The following UNC5D variants were observed in gnomAD, a reference collection of about 807,000 sequenced individuals.
UNC5D encodes unc-5 netrin receptor D, also known as netrin receptor UNC5D.
Under a neutral mutation model 105.4 loss-of-function variants are expected in UNC5D, and 39 were observed. That is an observed-to-expected ratio of 0.37 (90% CI 0.29 to 0.48). UNC5D has a LOEUF of 0.48. Ranked by LOEUF, UNC5D falls within the 20% of genes least tolerant of loss-of-function variation. The pLI, the probability that UNC5D is intolerant of heterozygous loss-of-function variation, is 0.98. For missense variants in UNC5D, 991 were observed against 1,202.4 expected (o/e 0.82, Z 2.60); for synonymous variants, 452 against 450.4 (o/e 1.00, Z -0.04).
At chr8:35,643,138 G>A (rs1822851652) in intron 4 of UNC5D, among the ~76,000 whole-genome samples, 1 of 152,102 alleles carries the variant, frequency 6.6e-6, no homozygotes, top group Non-Finnish European at 1.5e-5. Context: ...TTGTTGTGGG[G>A]GGGCTGTCCT....
At chr8:35,466,532 G>C (rs1809315562) in intron 1 of UNC5D, among the ~76,000 whole-genome samples, 1 of 152,070 alleles carries the variant, frequency 6.6e-6, no homozygotes, top group Non-Finnish European at 1.5e-5. Flanking sequence ...ATTGGAAATG[G>C]TACTGAGCTT....
At chr8:35,517,415 C>T (rs1813170764) in intron 1 of UNC5D, among the ~76,000 whole-genome samples, 1 of 152,132 alleles carries the variant, frequency 6.6e-6, no homozygotes, top group African/African-American at 2.4e-5. Flanking sequence ...GTCATGGTTT[C>T]CTTTTGCTCT....
chr8:35,424,103 G>C (rs1242640751), intron 1 of UNC5D, among the ~76,000 whole-genome samples: 4 of 152,132 alleles, frequency 2.6e-5, no homozygotes, highest in Non-Finnish European at 5.9e-5. Flanking sequence ...CCCAGCCAAG[G>C]AGTACTTAAT....
intron 1 of UNC5D, among the ~76,000 whole-genome samples, chr8:35,467,082 G>A (rs1008975374): frequency 2.0e-5 from 3 of 152,070 alleles, no homozygotes; most frequent in Non-Finnish European, 2.9e-5. Flanking sequence ...AAAATTAGTG[G>A]GTGAAAACAT....
chr8:35,730,399 CT>C (rs1829120868), intron 10 of UNC5D, among the ~76,000 whole-genome samples: 1 of 152,152 alleles, frequency 6.6e-6, no homozygotes, highest in Non-Finnish European at 1.5e-5. Flanking sequence ...CGCCTTAACC[CT>C]TTCTAGGTTC....
At chr8:35,373,999 A>G (rs1298147270) in intron 1 of UNC5D, among the ~76,000 whole-genome samples, 1 of 152,182 alleles carries the variant, frequency 6.6e-6, no homozygotes, top group Non-Finnish European at 1.5e-5. Flanking sequence ...TGTAGATTTA[A>G]AAGGCTATTT....
intron 2 of UNC5D, among the ~76,000 whole-genome samples, chr8:35,556,383 G>T (rs1816552589): frequency 6.6e-6 from 1 of 152,216 alleles, no homozygotes. Flanking sequence ...GTCGCATTGT[G>T]TGTCTATGTT....
intron 1 of UNC5D, among the ~76,000 whole-genome samples, chr8:35,527,569 C>G (rs1254769666): frequency 2.0e-5 from 3 of 151,656 alleles, no homozygotes; most frequent in Non-Finnish European, 4.4e-5. Flanking sequence ...TTCTTTTTGA[C>G]TCTCACTCTG....
chr8:35,303,533 C>T (rs1808117071), intron 1 of UNC5D, among the ~76,000 whole-genome samples: 1 of 152,154 alleles, frequency 6.6e-6, no homozygotes, highest in Non-Finnish European at 1.5e-5. Flanking sequence ...ACATTTAAAT[C>T]TGAGTTAACT....
chr8:35,439,779 G>T (rs535208228), intron 1 of UNC5D, among the ~76,000 whole-genome samples: 1 of 151,822 alleles, frequency 6.6e-6, no homozygotes, highest in Non-Finnish European at 1.5e-5. Flanking sequence ...CCTAAATATG[G>T]AAAGTCATCT....
chr8:35,703,139 C>A (rs1251348427), intron 7 of UNC5D, among the ~76,000 whole-genome samples: 1 of 151,572 alleles, frequency 6.6e-6, no homozygotes, highest in Non-Finnish European at 1.5e-5. Context: ...ACTAGAATTT[C>A]TGATTTGGAG....
At chr8:35,754,191 A>G (rs1354882988) in intron 13 of UNC5D, among the ~76,000 whole-genome samples, 1 of 152,218 alleles carries the variant, frequency 6.6e-6, no homozygotes, top group Non-Finnish European at 1.5e-5. Flanking sequence ...CTGAAAATAG[A>G]GTATACAGTA....
chr8:35,452,611 T>C (rs1808232405), intron 1 of UNC5D, among the ~76,000 whole-genome samples: 2 of 152,148 alleles, frequency 1.3e-5, no homozygotes, highest in East Asian at 1.9e-4. Context: ...GCATGCATGA[T>C]AGTATCCTAG....
intron 1 of UNC5D, among the ~76,000 whole-genome samples, chr8:35,468,396 G>A (rs1040763554): frequency 6.6e-6 from 1 of 152,086 alleles, no homozygotes; most frequent in Non-Finnish European, 1.5e-5. Context: ...GTAAAAGTTC[G>A]ATTTCAGTGC....
intron 1 of UNC5D, among the ~76,000 whole-genome samples, chr8:35,395,342 T>C (rs1263819787): frequency 2.0e-5 from 3 of 152,192 alleles, no homozygotes; most frequent in Non-Finnish European, 2.9e-5. Flanking sequence ...CCTGAAGATG[T>C]GGCTATCAGA....
chr8:35,693,725 T>C (rs1030267892), intron 7 of UNC5D, among the ~76,000 whole-genome samples: 3 of 152,152 alleles, frequency 2.0e-5, no homozygotes, highest in Non-Finnish European at 4.4e-5. Flanking sequence ...TTCCCATTGC[T>C]ACCCACTTTT....
intron 10 of UNC5D, among the ~76,000 whole-genome samples, chr8:35,729,411 A>C (rs1829069558): frequency 1.3e-5 from 2 of 152,136 alleles, no homozygotes; most frequent in African/African-American, 4.8e-5. Context: ...CACGAGTGGC[A>C]TTGTGATAAG....
intron 14 of UNC5D, among the ~76,000 whole-genome samples, chr8:35,760,736 G>A (rs1294258819): frequency 6.6e-6 from 1 of 151,790 alleles, no homozygotes; most frequent in Non-Finnish European, 1.5e-5. Flanking sequence ...ATAATGTGTA[G>A]CGTCCTCTGC....
chr8:35,759,184 A>G, intron 13 of UNC5D, 136 bp from the exon 14 acceptor site: 1 of 908,532 alleles, frequency 1.1e-6, no homozygotes, highest in Admixed American at 3.0e-5. Flanking sequence ...GGAGTTGTAA[A>G]GAAGTATGTT....
Sources: gnomAD v4.1 joint callset for allele counts (sites outside exome capture counted in the v4.1 genomes callset) on GRCh38, gnomAD v4.1.1 for gene constraint, MANE v1.5 for transcripts, NCBI Gene and HGNC (gene_info 2026-07-23, HGNC 2026-07-21) for gene names.